Variants in PEPD observed in about 807,000 individuals in gnomAD.
The protein encoded by PEPD is xaa-Pro dipeptidase.
In PEPD, 53 loss-of-function variants were observed where a neutral mutation model predicts 60.7. That is an observed-to-expected ratio of 0.87 (90% confidence interval 0.70 to 1.10). PEPD has a LOEUF of 1.10. Among genes scored for constraint, PEPD ranks in the 50% least tolerant of loss-of-function variants. The probability of loss-of-function intolerance (pLI) is 0.00; values close to 1 mark genes in which losing one functional copy is unlikely to be tolerated. For missense variants in PEPD, 711 were observed against 711.9 expected (o/e 1.00, Z 0.01); for synonymous variants, 267 against 284.1 (o/e 0.94, Z 0.60).
intron 3 of PEPD, among the ~76,000 whole-genome samples, chr19:33,506,928 C>T (rs1338780232): frequency 6.6e-6 from 1 of 151,158 alleles, no homozygotes; most frequent in African/African-American, 2.4e-5. Flanking sequence ...ATGCCCCCCC[C>T]ACACAACATA....
At chr19:33,458,064 T>A (rs1969841832) in intron 9 of PEPD, among the ~76,000 whole-genome samples, 1 of 151,796 alleles carries the variant, frequency 6.6e-6, no homozygotes, top group Admixed American at 6.6e-5. Context: ...GTGGGTGGCG[T>A]GTGTATGGTG....
intron 9 of PEPD, among the ~76,000 whole-genome samples, chr19:33,417,490 C>A (rs1968914769): frequency 1.3e-5 from 2 of 152,218 alleles, no homozygotes; most frequent in Admixed American, 6.5e-5. Flanking sequence ...CAACACCAAC[C>A]TCAAGGGCAA....
At chr19:33,495,457 C>T (rs1221445326) in intron 4 of PEPD, among the ~76,000 whole-genome samples, 2 of 150,666 alleles carry the variant, frequency 1.3e-5, no homozygotes, top group African/African-American at 2.5e-5. Flanking sequence ...GAGATCATGC[C>T]ATTGCACTCC....
intron 9 of PEPD, among the ~76,000 whole-genome samples, chr19:33,460,401 C>T (rs1347940332): frequency 6.6e-6 from 1 of 152,144 alleles, no homozygotes; most frequent in Non-Finnish European, 1.5e-5. Flanking sequence ...CAGATGTCCC[C>T]AGGGGCTTCA....
intron 9 of PEPD, 118 bp from the exon 10 acceptor site, chr19:33,413,761 C>A (rs1244818692): frequency 1.5e-6 from 1 of 688,394 alleles, no homozygotes; most frequent in Non-Finnish European, 2.6e-6. Flanking sequence ...CGTGGCCCCA[C>A]AATGGTCCAA....
At chr19:33,419,370 A>G (rs1349486037) in intron 9 of PEPD, among the ~76,000 whole-genome samples, 3 of 152,230 alleles carry the variant, frequency 2.0e-5, no homozygotes, top group African/African-American at 7.2e-5. Flanking sequence ...GGCTTGAGGC[A>G]GGTTGTGTAG....
chr19:33,434,671 G>C (rs1373824239), intron 9 of PEPD, among the ~76,000 whole-genome samples: 1 of 152,114 alleles, frequency 6.6e-6, no homozygotes, highest in Non-Finnish European at 1.5e-5. Flanking sequence ...TGAGGAAAGG[G>C]CAGTAAAACC....
chr19:33,398,354 G>A (rs963704184), intron 12 of PEPD, among the ~76,000 whole-genome samples: 2 of 152,210 alleles, frequency 1.3e-5, no homozygotes, highest in African/African-American at 2.4e-5. Context: ...TGGATTTCAC[G>A]ACTGCCCGTG....
At chr19:33,495,649 C>T (rs1363241942) in intron 4 of PEPD, among the ~76,000 whole-genome samples, 1 of 152,026 alleles carries the variant, frequency 6.6e-6, no homozygotes, top group Non-Finnish European at 1.5e-5. Flanking sequence ...TGAGTGACTG[C>T]TTGGAGAATG....
chr19:33,393,634 C>A (rs1372770516), intron 12 of PEPD, among the ~76,000 whole-genome samples: 1 of 152,152 alleles, frequency 6.6e-6, no homozygotes, highest in South Asian at 2.1e-4. Flanking sequence ...GGAGGCAGCA[C>A]CCCGGACAGT....
chr19:33,411,337 C>T (rs185429955), intron 11 of PEPD, among the ~76,000 whole-genome samples: 2 of 152,264 alleles, frequency 1.3e-5, no homozygotes, highest in Admixed American at 1.3e-4. Flanking sequence ...GAGCGTGGTG[C>T]CCCCTGAACG....
intron 9 of PEPD, among the ~76,000 whole-genome samples, chr19:33,450,594 C>T (rs912331322): frequency 2.6e-5 from 4 of 152,082 alleles, no homozygotes; most frequent in South Asian, 2.1e-4. Flanking sequence ...AGCACTCACA[C>T]GAGCAAAGGG....
intron 9 of PEPD, among the ~76,000 whole-genome samples, chr19:33,460,752 C>A (rs1969910725): frequency 6.6e-6 from 1 of 152,168 alleles, no homozygotes. Flanking sequence ...CCACTCAGCA[C>A]CCTGTGGGAG....
rs1970078317 is a variant in PEPD, at chr19:33,469,302, G to A, written c.549-5240C>T. Among the ~76,000 whole-genome samples, 3 of 152,154 alleles carry A rather than the reference G, an allele frequency of 2.0e-5. No homozygotes were observed. The South Asian group carries it at 6.2e-4, about 31-fold the overall frequency. On this transcript the variant is annotated intron_variant, in intron 7 of 14. Transcript: ENST00000244137. ...CTCCAGGAGCACTGAGCACTGCCAG[G>A]GGAAGTCATGCACTGGCAATGGCCA...
At chr19:33,456,909 A>T (rs1969811942) in intron 9 of PEPD, among the ~76,000 whole-genome samples, 1 of 151,678 alleles carries the variant, frequency 6.6e-6, no homozygotes, top group Admixed American at 6.6e-5. Flanking sequence ...TCCCGGAGGA[A>T]GACGGGGACC....
intron 6 of PEPD, chr19:33,486,816 C>A (rs932429428): frequency 1.3e-5 from 2 of 152,490 alleles, no homozygotes; most frequent in South Asian, 4.1e-4. Flanking sequence ...AGGTGGGGAC[C>A]ACTGTCTACC....
chr19:33,420,205 C>CT, intron 9 of PEPD, among the ~76,000 whole-genome samples: 1 of 476 alleles, frequency 2.1e-3, no homozygotes, highest in Non-Finnish European at 3.5e-3. Context: ...CTTCTCCGTC[C>CT]CCAAGCCTGG....
At chr19:33,421,331 T>C (rs971080350) in intron 9 of PEPD, among the ~76,000 whole-genome samples, 6 of 152,270 alleles carry the variant, frequency 3.9e-5, no homozygotes, top group South Asian at 2.1e-4. Flanking sequence ...CTCCTCTCCA[T>C]ACCTGTGAAT....
At chr19:33,402,017 G>T in intron 11 of PEPD, 148 bp from the exon 12 acceptor site, 1 of 761,166 alleles carries the variant, frequency 1.3e-6, no homozygotes. Flanking sequence ...GTGGGGAACT[G>T]CCACCTGGTG....
Sources: allele counts gnomAD v4.1 joint callset (sites outside exome capture counted in the v4.1 genomes callset), GRCh38; gene constraint gnomAD v4.1.1; transcripts MANE v1.5; gene names NCBI Gene and HGNC (gene_info 2026-07-23, HGNC 2026-07-21).